Variants in EFHC2 observed in about 807,000 individuals in gnomAD.
EFHC2 encodes EF-hand domain-containing family member C2.
A neutral mutation model predicts 52.7 loss-of-function variants in EFHC2; 18 were observed. The ratio of observed to expected loss-of-function variants is 0.34; its 90% CI spans 0.24 to 0.51. The LOEUF is 0.51. EFHC2 is among the 20% of genes least tolerant of loss of function. The pLI, the probability that EFHC2 is intolerant of heterozygous loss-of-function variation, is 0.97. For missense variants in EFHC2, 513 were observed against 562.5 expected, an observed-to-expected ratio of 0.91 and a Z score of 0.89; for synonymous variants, 203 against 204.1, an observed-to-expected ratio of 0.99 and a Z score of 0.04.
intron 2 of EFHC2, among the ~76,000 whole-genome samples, chrX:44,299,957 T>G (rs921928614): frequency 8.9e-5 from 10 of 112,072 alleles, no homozygotes; most frequent in African/African-American, 3.2e-4. Context: ...AAAAAAAATT[T>G]TTTTAAGAAT....
At chrX:44,243,093 A>G (rs756126407) in intron 7 of EFHC2, among the ~76,000 whole-genome samples, 2 of 111,815 alleles carry the variant, frequency 1.8e-5, no homozygotes, top group South Asian at 7.6e-4. Context: ...AGAGCTGGTA[A>G]CATATTTGTA....
At chrX:44,208,033 T>C (rs1279354286) in intron 11 of EFHC2, among the ~76,000 whole-genome samples, 1 of 112,554 alleles carries the variant, frequency 8.9e-6, no homozygotes, top group Admixed American at 9.4e-5. Flanking sequence ...GGAATGCTTA[T>C]ACACTGTTGG....
At chrX:44,309,627 T>C in intron 2 of EFHC2, 1 of 1,148,042 alleles carries the variant, frequency 8.7e-7, no homozygotes. Context: ...TCTCCTCCGA[T>C]GGTTTGTGTA....
chrX:44,226,744 G>C (rs2037235130), intron 11 of EFHC2, among the ~76,000 whole-genome samples: 1 of 109,379 alleles, frequency 9.1e-6, no homozygotes, highest in Admixed American at 9.8e-5. Flanking sequence ...GGGCCTGTCG[G>C]GGGGTCGGGA....
chrX:44,325,264 T>C (rs184053659), intron 1 of EFHC2, among the ~76,000 whole-genome samples: 15 of 112,049 alleles, frequency 1.3e-4, no homozygotes, highest in African/African-American at 4.2e-4. Flanking sequence ...TTTGCCATTA[T>C]AGCCTCTTAA....
At position 44,178,506 on chromosome X, in the gene EFHC2, C is replaced by T; in HGVS notation, c.1810G>A (p.Ala604Thr). Residue 604 changes from alanine to threonine, a missense_variant, in exon 12 of 15, where the codon GCA becomes ACA. Transcript: ENST00000420999. ...CCCTCAGGCACACGGTAGTGACGTG[C>T]AATGGTTACAAATTCTTGCTCTGCA... is the stretch of plus-strand genomic sequence containing the variant. The part of the protein sequence containing the change: ...NLAEQEFVTI[A>T]RHYRVPEGTC... 8.3e-7 allele frequency: 1 copy of T among 1,204,531 alleles called. No homozygotes were observed. Among genetic ancestry groups the T allele is most frequent in the Non-Finnish European group, 1.1e-6 (1 of 893,090 alleles).
chrX:44,255,588 T>C (rs894780870), intron 4 of EFHC2, among the ~76,000 whole-genome samples: 1 of 111,701 alleles, frequency 9.0e-6, no homozygotes, highest in Admixed American at 9.5e-5. Flanking sequence ...ACTAAATATA[T>C]ATGCACCCAA....
chrX:44,304,439 T>C (rs762345523), intron 2 of EFHC2, among the ~76,000 whole-genome samples: 2 of 111,725 alleles, frequency 1.8e-5, no homozygotes, highest in Non-Finnish European at 3.8e-5. Flanking sequence ...CAACACCCAG[T>C]CTCAGACTCT....
At chrX:44,236,019 C>CT (rs34288622) in intron 8 of EFHC2, among the ~76,000 whole-genome samples, 1,597 of 103,979 alleles carry the variant, frequency 0.015, 24 homozygotes, top group African/African-American at 0.051. Context: ...ATAGACCCAC[C>CT]TTTTTTTTTT....
intron 13 of EFHC2, among the ~76,000 whole-genome samples, chrX:44,175,079 G>T (rs773044990): frequency 5.3e-4 from 59 of 111,442 alleles, no homozygotes; most frequent in African/African-American, 1.9e-3. Flanking sequence ...CCCTATTTGA[G>T]AACAATGCTC....
intron 8 of EFHC2, among the ~76,000 whole-genome samples, chrX:44,235,952 C>T (rs745861450): frequency 9.8e-5 from 11 of 111,722 alleles, no homozygotes; most frequent in Admixed American, 6.6e-4. Context: ...CAGCAACCCC[C>T]CAACTTCCTT....
At chrX:44,301,330 C>G (rs932024909) in intron 2 of EFHC2, among the ~76,000 whole-genome samples, 5 of 109,368 alleles carry the variant, frequency 4.6e-5, no homozygotes, top group African/African-American at 1.3e-4. Context: ...CACTCCCCCC[C>G]CGACCAAATT....
At chrX:44,157,131 G>C (rs143219138) in intron 14 of EFHC2, among the ~76,000 whole-genome samples, 2,087 of 112,180 alleles carry the variant, frequency 0.019, 20 homozygotes, top group Admixed American at 0.032. Flanking sequence ...ACTAATCAAA[G>C]CTAGACTAGC....
At chrX:44,281,957 C>T (rs770782551) in intron 2 of EFHC2, among the ~76,000 whole-genome samples, 15 of 111,097 alleles carry the variant, frequency 1.4e-4, no homozygotes, top group African/African-American at 3.9e-4. Context: ...CCACTCATTA[C>T]GGATGAGATT....
At chrX:44,164,382 A>T (rs1437490780) in intron 13 of EFHC2, among the ~76,000 whole-genome samples, 1 of 112,443 alleles carries the variant, frequency 8.9e-6, no homozygotes, top group African/African-American at 3.2e-5. Context: ...TTAATGGTTG[A>T]TATTACATGT....
chrX:44,287,895 A>G (rs1425257551), intron 2 of EFHC2, among the ~76,000 whole-genome samples: 1 of 112,142 alleles, frequency 8.9e-6, no homozygotes. Flanking sequence ...AAAGGCAGCT[A>G]TTTCTACCTT....
intron 2 of EFHC2, chrX:44,309,399 A>G: frequency 9.4e-6 from 9 of 962,004 alleles, no homozygotes; most frequent in Non-Finnish European, 1.3e-5. Flanking sequence ...TCTCCTCTCA[A>G]AGAAGTTAGT....
At chrX:44,206,920 A>C (rs2037052822) in intron 11 of EFHC2, among the ~76,000 whole-genome samples, 1 of 112,072 alleles carries the variant, frequency 8.9e-6, no homozygotes, top group Non-Finnish European at 1.9e-5. Flanking sequence ...CTAAGCAAAA[A>C]TAACAAAGCC....
chrX:44,286,606 C>T (rs936272449), intron 2 of EFHC2, among the ~76,000 whole-genome samples: 4 of 111,209 alleles, frequency 3.6e-5, no homozygotes, highest in African/African-American at 9.8e-5. Flanking sequence ...TGCTTTTGAT[C>T]GCTTGGTGAA....
Sources: allele counts gnomAD v4.1 joint callset (sites outside exome capture counted in the v4.1 genomes callset), GRCh38; gene constraint gnomAD v4.1.1; transcripts MANE v1.5; gene names NCBI Gene and HGNC (gene_info 2026-07-23, HGNC 2026-07-21).